Variants in AQP11 observed in about 807,000 individuals in gnomAD.
AQP11 encodes aquaporin 11, also known as aquaporin-11.
Under a neutral mutation model 21.1 loss-of-function variants are expected in AQP11, and 20 were observed. The observed-to-expected ratio is 0.95, with a 90% CI of 0.67 to 1.38. The LOEUF is 1.38. Among genes scored for constraint, AQP11 ranks in the 40% most tolerant of loss-of-function variants. The probability of loss-of-function intolerance (pLI) is 0.00; values close to 1 mark genes in which losing one functional copy is unlikely to be tolerated. For missense variants in AQP11, 339 were observed against 340.4 expected, an observed-to-expected ratio of 1.00 and a Z score of 0.03; for synonymous variants, 167 against 150.1, an observed-to-expected ratio of 1.11 and a Z score of -0.82.
chr11:77,598,247 A>G (rs1446664525), intron 1 of AQP11, among the ~76,000 whole-genome samples: 1 of 152,254 alleles, frequency 6.6e-6, no homozygotes, highest in African/African-American at 2.4e-5. Flanking sequence ...ATATTTAACT[A>G]GTATTCTTCT....
rs537243865 is a variant in AQP11 at position 77,609,298 on chromosome 11, G to C, written c.737G>C (p.Gly246Ala). The C allele has an allele frequency of 3.5e-5, 56 of 1,610,438 alleles. No homozygotes were observed. The highest frequency in any genetic ancestry group is 4.6e-5 in the Non-Finnish European group (54 of 1,178,012). Residue 246 changes from glycine to alanine, a missense_variant and splice_region_variant, in exon 3 of 3, where the codon GGT becomes GCT. Coordinates refer to ENST00000313578, the MANE Select transcript of AQP11 (RefSeq NM_173039.3). ...FIVYWLAPSL[G>A]ILLMILMFSF... is the part of the protein sequence containing the mutation. ...TATTTTACTGTATTTTGTCTTTCAG[G>C]TATATTGTTGATGATTTTGATGTTC...
rs771703611 is a variant in AQP11 at position 77,590,356 on chromosome 11, T to C, written c.364T>C (p.Leu122=). 36 of 1,612,740 alleles carry C rather than the reference T, an allele frequency of 2.2e-5. No homozygotes were observed. The highest frequency in any genetic ancestry group is 4.4e-5 in the South Asian group (4 of 91,040). The part of the protein sequence containing the change: ...MSPETGAVRL[L]AQLVSALCSR... ...CCCCGAGACGGGTGCGGTGAGGCTA[T>C]TGGCTCAGCTGGTTAGTGCCCTGTG... The change falls in exon 1 of 3, where the codon TTG becomes CTG. Residue 122 remains leucine, a synonymous_variant. Transcript: ENST00000313578.
At chr11:77,593,332 T>A (rs1244285268) in intron 1 of AQP11, among the ~76,000 whole-genome samples, 2 of 152,240 alleles carry the variant, frequency 1.3e-5, no homozygotes, top group Non-Finnish European at 2.9e-5. Context: ...GTTATCTTAA[T>A]TAATTCTTAC....
intron 1 of AQP11, among the ~76,000 whole-genome samples, chr11:77,602,977 C>T (rs1958823602): frequency 6.6e-6 from 1 of 152,174 alleles, no homozygotes; most frequent in South Asian, 2.1e-4. Context: ...CAGAGAAATA[C>T]CCTGGGTGCA....
At chr11:77,597,257 A>G (rs1045815257) in intron 1 of AQP11, among the ~76,000 whole-genome samples, 3 of 152,198 alleles carry the variant, frequency 2.0e-5, no homozygotes, top group Non-Finnish European at 2.9e-5. Context: ...TCATTCTTCC[A>G]GGTTTGTAAG....
chr11:77,602,518 A>G (rs926837247), intron 1 of AQP11, among the ~76,000 whole-genome samples: 4 of 152,198 alleles, frequency 2.6e-5, no homozygotes, highest in Non-Finnish European at 5.9e-5. Context: ...GATATCATTT[A>G]TAATTGCTGA....
At chr11:77,606,039 A>C (rs1958844097) in intron 2 of AQP11, among the ~76,000 whole-genome samples, 1 of 92,746 alleles carries the variant, frequency 1.1e-5, no homozygotes, top group African/African-American at 4.5e-5. Context: ...CGAGTCTCAA[A>C]AAAAAAAAAA....
At chr11:77,602,357 C>T (rs746651202) in intron 1 of AQP11, among the ~76,000 whole-genome samples, 1 of 152,078 alleles carries the variant, frequency 6.6e-6, no homozygotes, top group Non-Finnish European at 1.5e-5. Flanking sequence ...TATCTTTCTG[C>T]CCATGGTATC....
rs369804481 is a variant in AQP11 at position 77,595,719 on chromosome 11, C to T, written c.619+5108C>T. On this transcript the variant is annotated intron_variant, in intron 1 of 2. Coordinates refer to ENST00000313578, the MANE Select transcript of AQP11 (RefSeq NM_173039.3). ...GGCGGATCACCTGAGGTCGGGAGTT[C>T]GAGACCAGCCTGACCAACATGGAGA... 3.0e-3 allele frequency among the ~76,000 whole-genome samples: 449 copies of T among 151,770 alleles called. 4 individuals are homozygous for T. Among genetic ancestry groups the T allele is most frequent in the African/African-American group, 0.01 (430 of 41,386 alleles).
intron 1 of AQP11, among the ~76,000 whole-genome samples, chr11:77,592,543 C>T (rs1289860103): frequency 6.6e-6 from 1 of 152,196 alleles, no homozygotes; most frequent in East Asian, 1.9e-4. Flanking sequence ...TCTTCCCTCT[C>T]TTGATTAACC....
intron 1 of AQP11, among the ~76,000 whole-genome samples, chr11:77,602,245 A>G (rs55810326): frequency 0.03 from 4,584 of 152,298 alleles, 93 homozygotes; most frequent in Non-Finnish European, 0.044. Flanking sequence ...AAGTGAGGGT[A>G]ATGATTCAGT....
intron 2 of AQP11, among the ~76,000 whole-genome samples, chr11:77,606,482 C>A (rs1958847276): frequency 6.6e-6 from 1 of 152,110 alleles, no homozygotes; most frequent in South Asian, 2.1e-4. Context: ...TTTTAAAGAA[C>A]CACTTACCCC....
Position 77,589,991 on chromosome 11 carries a change from C to G in AQP11, c.-2C>G, listed in dbSNP as rs753264114. The G allele has an allele frequency of 1.3e-6, 2 of 1,481,860 alleles. No homozygotes were observed. The highest frequency in any genetic ancestry group is 1.8e-6 in the Non-Finnish European group (2 of 1,122,588). The allele number at this position is 1,481,860 out of a possible 1,614,324, so 91.8% of individuals were successfully genotyped here. A position where few individuals can be genotyped will look rare whatever the true frequency, so the allele number is the denominator to read the frequency against. ...GCAACCCGCTCAGGCGGCGACGGAG[C>G]CATGTCGCCGCTGCTGGGGCTCCGG... On this transcript the variant is annotated 5_prime_UTR_variant, in exon 1 of 3. Transcript: ENST00000313578.
chr11:77,593,535 G>A (rs1012002329), intron 1 of AQP11, among the ~76,000 whole-genome samples: 3 of 152,132 alleles, frequency 2.0e-5, no homozygotes, highest in African/African-American at 7.2e-5. Flanking sequence ...TACTGGGGAG[G>A]CTGAGGCAGG....
At chr11:77,591,071 A>G in intron 1 of AQP11, 2 of 985,312 alleles carry the variant, frequency 2.0e-6, no homozygotes, top group Non-Finnish European at 2.4e-6. Context: ...GAAATTTTGT[A>G]GTTCCATTTT....
At chr11:77,596,459 T>TATGTAA (rs1958780437) in intron 1 of AQP11, among the ~76,000 whole-genome samples, 5 of 130,642 alleles carry the variant, frequency 3.8e-5, no homozygotes, top group African/African-American at 1.2e-4. Context: ...AAAAAAAATA[T>TATGTAA]ATATATATAT....
intron 1 of AQP11, among the ~76,000 whole-genome samples, chr11:77,599,356 G>A (rs1958802065): frequency 1.3e-5 from 2 of 151,982 alleles, no homozygotes; most frequent in African/African-American, 4.8e-5. Flanking sequence ...TGCCATGTTG[G>A]TTTGCTGCAC....
chr11:77,597,615 C>T (rs1958790913), intron 1 of AQP11, among the ~76,000 whole-genome samples: 1 of 152,046 alleles, frequency 6.6e-6, no homozygotes, highest in African/African-American at 2.4e-5. Context: ...GTAACATTAG[C>T]ATATCAGCAG....
rs1958825716 is a variant in AQP11, at chr11:77,603,330, G to T, written c.620-226G>T. Among the ~76,000 whole-genome samples the T allele has an allele frequency of 7.2e-5, 11 of 152,052 alleles. No individual in the cohort carries two copies. The South Asian group carries it at 2.3e-3, about 32-fold the overall frequency. Reference sequence around the variant, plus strand: ...TCAGTGTCCATTTTATAGTCTATAGGAAAAGCACTGGGTTCAAACTTTAAT... The same window carrying T: ...TCAGTGTCCATTTTATAGTCTATAGTAAAAGCACTGGGTTCAAACTTTAAT... On this transcript the variant is annotated intron_variant, in intron 1 of 2. Transcript: ENST00000313578.
Sources: gnomAD v4.1 joint callset for allele counts (sites outside exome capture counted in the v4.1 genomes callset) on GRCh38, gnomAD v4.1.1 for gene constraint, MANE v1.5 for transcripts, NCBI Gene and HGNC (gene_info 2026-07-23, HGNC 2026-07-21) for gene names.